AKAP13: variants seen among roughly 807,000 people sequenced by gnomAD.
AKAP13 encodes the protein A-kinase anchor protein 13.
AKAP13 carries 80 observed loss-of-function variants against 264.5 expected under a neutral mutation model. The ratio of observed to expected loss-of-function variants is 0.30; its 90% CI spans 0.25 to 0.36. The LOEUF is 0.36. Ranked by LOEUF, AKAP13 falls within the 10% of genes least tolerant of loss-of-function variation. AKAP13 has a pLI of 1.00. For synonymous variants in AKAP13, 1,380 were observed against 1,250.2 expected, an observed-to-expected ratio of 1.10 and a Z score of -2.19; for missense variants, 3,712 against 3,435.2, an observed-to-expected ratio of 1.08 and a Z score of -2.01.
chr15:85,707,012 C>T (rs937157808), intron 17 of AKAP13, among the ~76,000 whole-genome samples: 2 of 152,162 alleles, frequency 1.3e-5, no homozygotes, highest in Non-Finnish European at 2.9e-5. Flanking sequence ...GAGATGTTGG[C>T]CCTTAACTGG....
chr15:85,635,479 AT>A (rs1369412688), intron 8 of AKAP13, among the ~76,000 whole-genome samples: 1 of 152,040 alleles, frequency 6.6e-6, no homozygotes, highest in African/African-American at 2.4e-5. Flanking sequence ...TTAGCAGATA[AT>A]TGTTTTATAA....
intron 14 of AKAP13, among the ~76,000 whole-genome samples, chr15:85,676,481 T>G (rs554074502): frequency 3.3e-5 from 5 of 152,308 alleles, no homozygotes; most frequent in South Asian, 4.1e-4. Context: ...CTTTTGGAGC[T>G]TTAGCTGCCT....
intron 10 of AKAP13, among the ~76,000 whole-genome samples, chr15:85,651,327 A>G (rs943475275): frequency 6.6e-6 from 1 of 152,198 alleles, no homozygotes; most frequent in Admixed American, 6.5e-5. Context: ...TCTATTATGT[A>G]ACTATATATC....
chr15:85,684,942 A>G (rs960842038), intron 16 of AKAP13, 69 bp downstream of exon 16: 2 of 1,514,342 alleles, frequency 1.3e-6, no homozygotes, highest in Non-Finnish European at 8.9e-7. Context: ...CATTCACACC[A>G]AAACTGGTTA....
chr15:85,398,975 T>C (rs948638820), intron 1 of AKAP13, among the ~76,000 whole-genome samples: 1 of 152,232 alleles, frequency 6.6e-6, no homozygotes, highest in Non-Finnish European at 1.5e-5. Flanking sequence ...TCCTCTATGC[T>C]ATTATAAACA....
Position 85,693,339 on chromosome 15 carries a change from A to T in AKAP13, c.5352A>T (p.Lys1784Asn). Residue 1784 changes from lysine to asparagine, a missense_variant, in exon 17 of 37, where the codon AAA becomes AAT. By Grantham distance (94) the Lys-to-Asn change is moderately conservative (BLOSUM62 0). Transcript: ENST00000394518. The part of the protein sequence containing the change: ...EKEKDSKDKE[K>N]DKKTVNGHTF... The stretch of plus-strand genomic sequence containing the variant: ...AGAAAGATTCTAAAGACAAGGAGAA[A>T]GATAAGAAGACTGTCAACGGGCACA... 2 of 1,613,116 alleles carry T rather than the reference A, an allele frequency of 1.2e-6. No homozygotes were observed. The highest frequency in any genetic ancestry group is 1.7e-6 in the Non-Finnish European group (2 of 1,179,798).
chr15:85,495,088 A>G (rs1222636779), intron 2 of AKAP13, among the ~76,000 whole-genome samples: 1 of 152,204 alleles, frequency 6.6e-6, no homozygotes, highest in African/African-American at 2.4e-5. Flanking sequence ...AAAGTCAGTA[A>G]TAGCCATCTC....
intron 17 of AKAP13, among the ~76,000 whole-genome samples, chr15:85,697,106 T>C (rs1312414598): frequency 6.6e-6 from 1 of 152,242 alleles, no homozygotes; most frequent in Non-Finnish European, 1.5e-5. Context: ...CTGTAGCAGA[T>C]GTAGAACTGC....
Position 85,726,184 on chromosome 15 carries a change from T to G in AKAP13, c.6746-226T>G, listed in dbSNP as rs1346089531. The G allele has an allele frequency of 6.7e-6, 3 of 447,076 alleles. No individual in the cohort carries two copies. In the Admixed American group the frequency reaches 1.2e-4, roughly 18 times the overall value. 27.7% of individuals were successfully genotyped at this position (447,076 alleles called of 1,614,324 possible). A position where few individuals can be genotyped will look rare whatever the true frequency, so the allele number is the denominator to read the frequency against. Reference sequence around the variant, plus strand: ...CTTAAACTTTTCCAAAACAAGGCTTTGGTGATAAATCCCATTTTAAAATGC... The same window carrying G: ...CTTAAACTTTTCCAAAACAAGGCTTGGGTGATAAATCCCATTTTAAAATGC... On this transcript the variant is annotated intron_variant, in intron 26 of 36. Coordinates refer to ENST00000394518, the MANE Select transcript of AKAP13 (RefSeq NM_007200.5).
At chr15:85,685,488 G>C (rs62022921) in intron 16 of AKAP13, 318 of 133,990 alleles carry the variant, frequency 2.4e-3, no homozygotes, top group Middle Eastern at 7.5e-3. Flanking sequence ...GTGTGTGTGT[G>C]TCTGTGTGTG....
chr15:85,596,786 C>T (rs766592863), intron 8 of AKAP13, among the ~76,000 whole-genome samples: 38 of 152,028 alleles, frequency 2.5e-4, no homozygotes, highest in Non-Finnish European at 4.7e-4. Context: ...TGGTTAAATA[C>T]GTATTTGAAA....
At position 85,727,362 on chromosome 15, in the gene AKAP13, C is replaced by T; in HGVS notation, c.7005-19C>T. ...ACATCTTAGGAATTTTTTGTTCTGTCTTGTTTGGGTTGTATTAGGAACAGA... is the reference window on the plus strand; with the variant it reads ...ACATCTTAGGAATTTTTTGTTCTGTTTTGTTTGGGTTGTATTAGGAACAGA... On this transcript the variant is annotated intron_variant, in intron 28 of 36. Coordinates refer to ENST00000394518, the MANE Select transcript of AKAP13 (RefSeq NM_007200.5). The surrounding 1 kb of genome is among the most constrained non-coding windows in gnomAD (Gnocchi z 5.3). The T allele has an allele frequency of 6.2e-7, 1 of 1,613,802 alleles. No individual in the cohort carries two copies. Among genetic ancestry groups the T allele is most frequent in the Non-Finnish European group, 8.5e-7 (1 of 1,179,906 alleles).
At chr15:85,520,730 C>T (rs1450315606) in intron 2 of AKAP13, 1 of 518,644 alleles carries the variant, frequency 1.9e-6, no homozygotes, top group Non-Finnish European at 3.8e-6. Flanking sequence ...GAGAGTTGAA[C>T]ATGTTCCAGG....
At chr15:85,450,830 G>T (rs189291634) in intron 1 of AKAP13, among the ~76,000 whole-genome samples, 3 of 152,322 alleles carry the variant, frequency 2.0e-5, no homozygotes, top group Admixed American at 6.5e-5. Flanking sequence ...TGTATATTCT[G>T]TTGCTTTTGG....
chr15:85,522,728 T>C (rs2076865913), intron 3 of AKAP13, among the ~76,000 whole-genome samples: 7 of 152,152 alleles, frequency 4.6e-5, no homozygotes, highest in Admixed American at 3.3e-4. Context: ...GAATGGGTAT[T>C]AGACTCTGCT....
At chr15:85,555,630 G>GAACAC in intron 5 of AKAP13, 1 of 517,858 alleles carries the variant, frequency 1.9e-6, no homozygotes, top group Non-Finnish European at 3.4e-6. Context: ...GATCAGAAAA[G>GAACAC]TGTTCTTCTC....
intron 1 of AKAP13, among the ~76,000 whole-genome samples, chr15:85,442,481 A>ATTATATT (rs1491549851): frequency 8.5e-6 from 1 of 117,108 alleles, no homozygotes; most frequent in Non-Finnish European, 1.7e-5. Flanking sequence ...TATATTATAT[A>ATTATATT]ATATATATAA....
At chr15:85,647,515 C>G (rs2082610180) in intron 10 of AKAP13, among the ~76,000 whole-genome samples, 1 of 114,502 alleles carries the variant, frequency 8.7e-6, no homozygotes, top group African/African-American at 3.4e-5. Context: ...TCATTTTTGG[C>G]CTTCCCTGAC....
At chr15:85,697,483 C>G (rs2085630641) in intron 17 of AKAP13, among the ~76,000 whole-genome samples, 1 of 152,148 alleles carries the variant, frequency 6.6e-6, no homozygotes, top group African/African-American at 2.4e-5. Context: ...GCAGGAGAAT[C>G]TCTTGAACCC....
Sources: gnomAD v4.1 joint callset for allele counts (sites outside exome capture counted in the v4.1 genomes callset) on GRCh38, gnomAD v4.1.1 for gene constraint, Gnocchi (gnomAD v3.1) non-coding constraint, MANE v1.5 for transcripts, NCBI Gene and HGNC (gene_info 2026-07-23, HGNC 2026-07-21) for gene names.